CACNA1D: variants seen among roughly 807,000 people sequenced by gnomAD.
The protein encoded by CACNA1D is calcium voltage-gated channel subunit alpha1 D.
A neutral mutation model predicts 257.1 loss-of-function variants in CACNA1D; 55 were observed. The ratio of observed to expected loss-of-function variants is 0.21; its 90% CI spans 0.17 to 0.27. The LOEUF (loss-of-function observed/expected upper bound fraction) is 0.27. Ranked by LOEUF, CACNA1D falls within the 10% of genes least tolerant of loss-of-function variation. The pLI, the probability that CACNA1D is intolerant of heterozygous loss-of-function variation, is 1.00. For missense variants in CACNA1D, 1,876 were observed against 2,784.0 expected (o/e 0.67, Z 7.34); for synonymous variants, 980 against 1,014.9 (o/e 0.97, Z 0.65).
intron 20 of CACNA1D, among the ~76,000 whole-genome samples, chr3:53,739,739 G>A (rs1328375743): frequency 2.6e-5 from 4 of 152,182 alleles, no homozygotes; most frequent in East Asian, 1.9e-4. Context: ...CCAGCCCAGC[G>A]CATGAGCAGG....
chr3:53,561,866 T>A (rs1702558064), intron 3 of CACNA1D, among the ~76,000 whole-genome samples: 1 of 152,254 alleles, frequency 6.6e-6, no homozygotes, highest in African/African-American at 2.4e-5. Context: ...CATTGCTTTT[T>A]TTGTTCATTC....
At chr3:53,497,949 A>G (rs1403012659) in intron 2 of CACNA1D, among the ~76,000 whole-genome samples, 1 of 152,196 alleles carries the variant, frequency 6.6e-6, no homozygotes, top group Non-Finnish European at 1.5e-5. Flanking sequence ...TGCAACTACA[A>G]TTAATGCTAA....
intron 9 of CACNA1D, among the ~76,000 whole-genome samples, chr3:53,715,811 G>A (rs1251557711): frequency 1.3e-5 from 2 of 152,224 alleles, no homozygotes; most frequent in African/African-American, 4.8e-5. Context: ...GCACAGTGCT[G>A]TGAGACTATC....
chr3:53,731,039 G>A, intron 16 of CACNA1D, 38 bp from the exon 17 acceptor site: 1 of 1,240,648 alleles, frequency 8.1e-7, no homozygotes, highest in Non-Finnish European at 1.2e-6. Context: ...GAGTAACATG[G>A]TTATTTGGTT....
At chr3:53,790,929 G>C in intron 40 of CACNA1D, 2 of 701,176 alleles carry the variant, frequency 2.9e-6, no homozygotes, top group South Asian at 3.0e-5. Context: ...TAATCTAAGA[G>C]GAGAACAGAT....
At chr3:53,547,351 C>G (rs1271170699) in intron 3 of CACNA1D, among the ~76,000 whole-genome samples, 1 of 152,172 alleles carries the variant, frequency 6.6e-6, no homozygotes, top group Non-Finnish European at 1.5e-5. Flanking sequence ...GGCTCTTGCT[C>G]TCTTGGAGCC....
At chr3:53,528,100 A>G (rs1030439834) in intron 3 of CACNA1D, among the ~76,000 whole-genome samples, 1 of 152,228 alleles carries the variant, frequency 6.6e-6, no homozygotes, top group Non-Finnish European at 1.5e-5. Flanking sequence ...CCTAAGAAAG[A>G]TTGCAAACAT....
intron 8 of CACNA1D, among the ~76,000 whole-genome samples, chr3:53,676,588 A>G (rs533811812): frequency 6.6e-6 from 1 of 152,304 alleles, no homozygotes; most frequent in South Asian, 2.1e-4. Context: ...CCTTCTCACG[A>G]GGAAATGTTA....
intron 7 of CACNA1D, among the ~76,000 whole-genome samples, chr3:53,668,298 C>G (rs920912286): frequency 6.6e-6 from 1 of 152,100 alleles, no homozygotes; most frequent in Non-Finnish European, 1.5e-5. Flanking sequence ...CAGAATTTTC[C>G]TGTTGCCAAG....
intron 8 of CACNA1D, among the ~76,000 whole-genome samples, chr3:53,677,305 C>T (rs561236149): frequency 2.6e-4 from 40 of 152,270 alleles, no homozygotes; most frequent in Non-Finnish European, 3.8e-4. Context: ...ACTTGGGTTC[C>T]GTCCTGCTGG....
intron 8 of CACNA1D, among the ~76,000 whole-genome samples, chr3:53,697,438 A>G (rs1390266862): frequency 6.6e-6 from 1 of 152,248 alleles, no homozygotes; most frequent in East Asian, 1.9e-4. Context: ...ATGGACAGAC[A>G]ACATTGTCCG....
intron 8 of CACNA1D, among the ~76,000 whole-genome samples, chr3:53,678,675 G>A (rs777666428): frequency 2.6e-5 from 4 of 152,202 alleles, no homozygotes; most frequent in Non-Finnish European, 5.9e-5. Context: ...CTTTTAGGAA[G>A]CTTTGGTTTC....
At chr3:53,601,964 G>A (rs1443181886) in intron 3 of CACNA1D, among the ~76,000 whole-genome samples, 1 of 152,180 alleles carries the variant, frequency 6.6e-6, no homozygotes, top group African/African-American at 2.4e-5. Flanking sequence ...GCCCGCCTCA[G>A]CCTCCCAAAG....
At chr3:53,629,479 AGAT>A in intron 3 of CACNA1D, among the ~76,000 whole-genome samples, 1 of 152,216 alleles carries the variant, frequency 6.6e-6, no homozygotes, top group South Asian at 2.1e-4. Context: ...TTTAACATTG[AGAT>A]GAGGTTGTGG....
chr3:53,578,435 G>A (rs182479829), intron 3 of CACNA1D, among the ~76,000 whole-genome samples: 1 of 152,294 alleles, frequency 6.6e-6, no homozygotes. Flanking sequence ...ATTTGGACAA[G>A]TAACAGTTCA....
chr3:53,674,275 G>A (rs959156133), intron 8 of CACNA1D, among the ~76,000 whole-genome samples: 2 of 152,188 alleles, frequency 1.3e-5, no homozygotes, highest in African/African-American at 2.4e-5. Flanking sequence ...CTGTGAAGGA[G>A]AAATAAGCCT....
chr3:53,612,505 C>G (rs1396526005), intron 3 of CACNA1D, among the ~76,000 whole-genome samples: 2 of 152,158 alleles, frequency 1.3e-5, no homozygotes, highest in African/African-American at 4.8e-5. Context: ...GAATGCTAAC[C>G]CTATGCGAAT....
At chr3:53,552,582 T>C (rs2092556835) in intron 3 of CACNA1D, among the ~76,000 whole-genome samples, 2 of 152,162 alleles carry the variant, frequency 1.3e-5, no homozygotes, top group Admixed American at 1.3e-4. Flanking sequence ...GGTTTTACCA[T>C]GATGGCCAGG....
At chr3:53,564,285 T>C (rs1162278460) in intron 3 of CACNA1D, among the ~76,000 whole-genome samples, 1 of 152,072 alleles carries the variant, frequency 6.6e-6, no homozygotes, top group African/African-American at 2.4e-5. Flanking sequence ...CTCAGCCTCC[T>C]GAGTAGCTGG....
Sources: allele counts gnomAD v4.1 joint callset (sites outside exome capture counted in the v4.1 genomes callset), GRCh38; gene constraint gnomAD v4.1.1; transcripts MANE v1.5; gene names NCBI Gene and HGNC (gene_info 2026-07-23, HGNC 2026-07-21).